Variants in ADAMTS19 observed in about 807,000 individuals in gnomAD.
ADAMTS19 encodes the protein A disintegrin and metalloproteinase with thrombospondin motifs 19.
A neutral mutation model predicts 153.3 loss-of-function variants in ADAMTS19; 93 were observed. The observed-to-expected ratio is 0.61, with a 90% confidence interval of 0.51 to 0.72. ADAMTS19 has a LOEUF of 0.72. Ranked by LOEUF, ADAMTS19 falls within the 30% of genes least tolerant of loss-of-function variation. The pLI is 0.00. For synonymous variants in ADAMTS19, 600 were observed against 556.6 expected (o/e 1.08, Z -1.10); for missense variants, 1,482 against 1,552.1 (o/e 0.95, Z 0.76).
intron 10 of ADAMTS19, among the ~76,000 whole-genome samples, chr5:129,633,007 T>TAC (rs57589855): frequency 0.42 from 63,408 of 151,718 alleles, 14,708 homozygotes; most frequent in African/African-American, 0.63. Context: ...CTCCTGAGAA[T>TAC]AGTTACACAC....
At position 129,662,887 on chromosome 5, in the gene ADAMTS19, CAT is replaced by C. The variant is rs1491409083; in HGVS notation, c.2426-2611_2426-2610del. Among the ~76,000 whole-genome samples the C allele has an allele frequency of 6.4e-5, 8 of 125,424 alleles. 1 individual carries two copies. Among genetic ancestry groups the C allele is most frequent in the African/African-American group, 2.5e-4 (7 of 27,736 alleles). 82.3% of individuals were successfully genotyped at this position (125,424 alleles called of 152,430 possible). ...TCTCCTCCTTCTCATGATTCTTCTT[CAT>C]TTTTTTTTTTTTTTTTTTTTTTTGA... On this transcript the variant is annotated intron_variant, in intron 15 of 22. Transcript: ENST00000274487.
Position 129,518,604 on chromosome 5 carries a change from T to G in ADAMTS19, c.914-7680T>G, listed in dbSNP as rs71589954. Among the ~76,000 whole-genome samples, 5 of 152,134 alleles carry G rather than the reference T, an allele frequency of 3.3e-5. 1 individual carries two copies. Among genetic ancestry groups the G allele is most frequent in the Non-Finnish European group, 7.4e-5 (5 of 68,010 alleles). ...TTTTTTGTTTCTTTTCTCTTGCTGG[T>G]TTTAGGATTCTTTCCTTATCCTTAA... On this transcript the variant is annotated intron_variant, in intron 3 of 22. Transcript: ENST00000274487.
Position 129,737,379 on chromosome 5 carries a change from G to C in ADAMTS19, c.*161G>C. 1 of 663,558 alleles carries C rather than the reference G, an allele frequency of 1.5e-6. No individual in the cohort carries two copies. The highest frequency in any genetic ancestry group is 2.2e-6 in the Non-Finnish European group (1 of 461,386). 41.1% of individuals were successfully genotyped at this position (663,558 alleles called of 1,614,324 possible). A position where few individuals can be genotyped will look rare whatever the true frequency, so the allele number is the denominator to read the frequency against. Reference sequence around the variant, plus strand: ...AACATCCAATGTGGTGCTTGTTTTGGTTACACAAACATTTTGATTTATACT... The same window carrying C: ...AACATCCAATGTGGTGCTTGTTTTGCTTACACAAACATTTTGATTTATACT... On this transcript the variant is annotated 3_prime_UTR_variant, in exon 23 of 23. Transcript: ENST00000274487.
At chr5:129,543,575 A>C (rs537191501) in intron 6 of ADAMTS19, among the ~76,000 whole-genome samples, 35 of 152,314 alleles carry the variant, frequency 2.3e-4, no homozygotes, top group Non-Finnish European at 3.8e-4. Context: ...TACAGTGGGC[A>C]GCAGGCCTTC....
intron 10 of ADAMTS19, among the ~76,000 whole-genome samples, chr5:129,630,412 A>G (rs1441220471): frequency 6.6e-6 from 1 of 152,082 alleles, no homozygotes; most frequent in Admixed American, 6.6e-5. Flanking sequence ...GAAAGGAGAG[A>G]CTTAACTCCT....
intron 13 of ADAMTS19, 97 bp from the exon 14 acceptor site, chr5:129,654,209 A>AT: frequency 1.7e-6 from 2 of 1,187,528 alleles, no homozygotes; most frequent in East Asian, 2.5e-5. Context: ...ATTGAATTAT[A>AT]TTTTTTACTC....
intron 11 of ADAMTS19, among the ~76,000 whole-genome samples, chr5:129,644,057 T>A (rs1752946427): frequency 6.6e-6 from 1 of 152,108 alleles, no homozygotes; most frequent in African/African-American, 2.4e-5. Context: ...TATGATTTTT[T>A]CCCTTGTATA....
At chr5:129,514,232 C>T (rs920851476) in intron 3 of ADAMTS19, among the ~76,000 whole-genome samples, 4 of 152,030 alleles carry the variant, frequency 2.6e-5, no homozygotes, top group Admixed American at 1.3e-4. Flanking sequence ...CTATTGTAAA[C>T]GGTGCTGCAA....
chr5:129,552,991 A>G (rs1561567789), intron 7 of ADAMTS19, among the ~76,000 whole-genome samples: 1 of 152,072 alleles, frequency 6.6e-6, no homozygotes. Flanking sequence ...TGATGTAGGG[A>G]CCATCTTCCT....
At chr5:129,665,106 T>A (rs1264788053) in intron 15 of ADAMTS19, among the ~76,000 whole-genome samples, 4 of 152,156 alleles carry the variant, frequency 2.6e-5, no homozygotes, top group African/African-American at 9.7e-5. Context: ...ATATATTCTT[T>A]TTCCCCACAC....
intron 7 of ADAMTS19, among the ~76,000 whole-genome samples, chr5:129,564,799 T>C (rs536322845): frequency 5.3e-5 from 8 of 152,256 alleles, no homozygotes; most frequent in African/African-American, 1.9e-4. Flanking sequence ...CAGCTTGGAA[T>C]AGAGGAAATG....
intron 6 of ADAMTS19, among the ~76,000 whole-genome samples, chr5:129,548,766 G>A (rs1189240985): frequency 6.6e-6 from 1 of 151,706 alleles, no homozygotes; most frequent in Middle Eastern, 3.2e-3. Flanking sequence ...GCAAAGACTT[G>A]GAACCAACCC....
chr5:129,582,786 G>A (rs908804176), intron 7 of ADAMTS19, among the ~76,000 whole-genome samples: 3 of 151,008 alleles, frequency 2.0e-5, no homozygotes, highest in African/African-American at 7.3e-5. Context: ...TAGCCAGGAT[G>A]GTCTTGATCT....
chr5:129,682,104 T>A (rs1254905466), intron 17 of ADAMTS19, among the ~76,000 whole-genome samples: 1 of 151,870 alleles, frequency 6.6e-6, no homozygotes, highest in Non-Finnish European at 1.5e-5. Flanking sequence ...GTGGAGGGAG[T>A]TTCCTTGCTG....
chr5:129,635,550 A>G (rs1752496164), intron 10 of ADAMTS19, among the ~76,000 whole-genome samples: 1 of 152,242 alleles, frequency 6.6e-6, no homozygotes, highest in African/African-American at 2.4e-5. Context: ...TGTGGAACAT[A>G]TACATCATGG....
chr5:129,561,977 T>C (rs1209864577), intron 7 of ADAMTS19, among the ~76,000 whole-genome samples: 2 of 152,222 alleles, frequency 1.3e-5, no homozygotes, highest in African/African-American at 4.8e-5. Context: ...ATTTTTCACT[T>C]GAAAACTTGA....
At chr5:129,559,045 G>A (rs978582911) in intron 7 of ADAMTS19, among the ~76,000 whole-genome samples, 3 of 152,022 alleles carry the variant, frequency 2.0e-5, no homozygotes, top group Non-Finnish European at 2.9e-5. Flanking sequence ...GCAAGCTTCT[G>A]TCAGGGAGAG....
At chr5:129,538,813 T>C (rs1441077609) in intron 6 of ADAMTS19, among the ~76,000 whole-genome samples, 1 of 152,164 alleles carries the variant, frequency 6.6e-6, no homozygotes, top group Non-Finnish European at 1.5e-5. Flanking sequence ...ATGGTTTTAT[T>C]TTCCAAGTAA....
At chr5:129,533,413 T>G (rs1167628474) in intron 6 of ADAMTS19, among the ~76,000 whole-genome samples, 4 of 152,232 alleles carry the variant, frequency 2.6e-5, no homozygotes, top group African/African-American at 9.6e-5. Flanking sequence ...ATTGGTAGTT[T>G]GTATTTCTGT....
Sources: allele counts gnomAD v4.1 joint callset (sites outside exome capture counted in the v4.1 genomes callset), GRCh38; gene constraint gnomAD v4.1.1; transcripts MANE v1.5; gene names NCBI Gene and HGNC (gene_info 2026-07-23, HGNC 2026-07-21).